PARD3: variants seen among roughly 807,000 people sequenced by gnomAD.
PARD3 encodes the protein par-3 family cell polarity regulator.
A neutral mutation model predicts 155.4 loss-of-function variants in PARD3; 75 were observed. That is an observed-to-expected ratio of 0.48 (90% CI 0.40 to 0.58). The LOEUF (loss-of-function observed/expected upper bound fraction) is 0.58, where lower values mean the gene tolerates loss of function less well. PARD3 is among the 20% of genes least tolerant of loss of function. The pLI is 0.00. For missense variants in PARD3, 1,642 were observed against 1,721.7 expected (o/e 0.95, Z 0.82); for synonymous variants, 576 against 610.5 (o/e 0.94, Z 0.83).
At chr10:34,330,169 A>C (rs1164730669) in intron 19 of PARD3, among the ~76,000 whole-genome samples, 1 of 152,164 alleles carries the variant, frequency 6.6e-6, no homozygotes, top group Non-Finnish European at 1.5e-5. Flanking sequence ...AAGGTAAATT[A>C]GTAGTTATGA....
chr10:34,233,543 G>A (rs1350887973), intron 22 of PARD3, among the ~76,000 whole-genome samples: 1 of 151,940 alleles, frequency 6.6e-6, no homozygotes, highest in African/African-American at 2.4e-5. Context: ...CCATTTGCTT[G>A]ACATCTCAAA....
chr10:34,784,847 C>T (rs569217088), intron 1 of PARD3, among the ~76,000 whole-genome samples: 143 of 152,298 alleles, frequency 9.4e-4, no homozygotes, highest in East Asian at 5.8e-4. Context: ...CAAGCGGAAA[C>T]ATCACTGTTC....
intron 1 of PARD3, among the ~76,000 whole-genome samples, chr10:34,799,898 C>G (rs1842690612): frequency 6.6e-6 from 1 of 151,932 alleles, no homozygotes; most frequent in East Asian, 1.9e-4. Flanking sequence ...GAAGCTGAGG[C>G]AGGAAGATCA....
chr10:34,204,060 G>A (rs575127993), intron 22 of PARD3, among the ~76,000 whole-genome samples: 1 of 152,300 alleles, frequency 6.6e-6, no homozygotes, highest in East Asian at 1.9e-4. Flanking sequence ...AATAGTAAAT[G>A]TGTTGACTAA....
intron 2 of PARD3, among the ~76,000 whole-genome samples, chr10:34,624,689 G>A (rs1419135416): frequency 6.6e-6 from 1 of 152,232 alleles, no homozygotes; most frequent in Non-Finnish European, 1.5e-5. Flanking sequence ...ACAGGAGGCT[G>A]ACACTGTGCC....
chr10:34,605,294 G>A (rs1256315066), intron 2 of PARD3, among the ~76,000 whole-genome samples: 3 of 134,572 alleles, frequency 2.2e-5, no homozygotes, highest in Admixed American at 8.7e-5. Flanking sequence ...CGGGGTTCAC[G>A]CCATTCTCCT....
chr10:34,765,721 G>A (rs990306767), intron 1 of PARD3, among the ~76,000 whole-genome samples: 4 of 152,066 alleles, frequency 2.6e-5, no homozygotes, highest in Admixed American at 1.3e-4. Context: ...CTAAAAACAG[G>A]AGCAGTGATA....
intron 4 of PARD3, among the ~76,000 whole-genome samples, chr10:34,460,006 A>C (rs2077546748): frequency 6.6e-6 from 1 of 152,172 alleles, no homozygotes; most frequent in Non-Finnish European, 1.5e-5. Flanking sequence ...TAATGTAGAA[A>C]GTGCTTATTT....
chr10:34,158,106 A>G (rs1018949540), intron 22 of PARD3, among the ~76,000 whole-genome samples: 6 of 152,200 alleles, frequency 3.9e-5, no homozygotes, highest in African/African-American at 1.4e-4. Context: ...TGACAATGCA[A>G]GGTAACTCAT....
chr10:34,145,221 A>ATTTTTTTTTT (rs57442429), intron 22 of PARD3, among the ~76,000 whole-genome samples: 19 of 33,968 alleles, frequency 5.6e-4, no homozygotes, highest in African/African-American at 1.1e-3. Flanking sequence ...ATATATATAT[A>ATTTTTTTTTT]TTTTTTTTTT....
At chr10:34,445,030 C>A (rs2076665960) in intron 5 of PARD3, among the ~76,000 whole-genome samples, 1 of 152,116 alleles carries the variant, frequency 6.6e-6, no homozygotes, top group Admixed American at 6.5e-5. Context: ...TCAGTTCTAC[C>A]CTGGTGTTCC....
chr10:34,461,856 A>C (rs971571408), intron 4 of PARD3, among the ~76,000 whole-genome samples: 1 of 152,150 alleles, frequency 6.6e-6, no homozygotes, highest in Non-Finnish European at 1.5e-5. Context: ...TGGTTTGTGA[A>C]CTCTAAAAAT....
chr10:34,535,686 G>A lies in PARD3; in HGVS notation c.223-18527C>T, dbSNP rs554732908. Among the ~76,000 whole-genome samples the A allele has an allele frequency of 2.6e-5, 4 of 152,088 alleles. No homozygotes were observed. The South Asian group carries it at 6.2e-4, about 24-fold the overall frequency. ...AGACAGGGTTTCACCATGTTGGCCAGGCTGGTCTTCAACTCCTGACATCAG... is the reference window on the plus strand; with the variant it reads ...AGACAGGGTTTCACCATGTTGGCCAAGCTGGTCTTCAACTCCTGACATCAG... On this transcript the variant is annotated intron_variant, in intron 2 of 24. Transcript: ENST00000374788.
At chr10:34,485,515 T>C (rs979736486) in intron 3 of PARD3, among the ~76,000 whole-genome samples, 1 of 152,034 alleles carries the variant, frequency 6.6e-6, no homozygotes, top group Non-Finnish European at 1.5e-5. Context: ...CTGGTTTAGT[T>C]TGGAAAGGTA....
chr10:34,807,661 T>G (rs1319377662), intron 1 of PARD3, among the ~76,000 whole-genome samples: 1 of 148,276 alleles, frequency 6.7e-6, no homozygotes, highest in Admixed American at 6.8e-5. Flanking sequence ...GTACACATTT[T>G]CATTTCTCTT....
chr10:34,282,137 C>T (rs1474951614), intron 21 of PARD3, among the ~76,000 whole-genome samples: 2 of 131,692 alleles, frequency 1.5e-5, no homozygotes, highest in Non-Finnish European at 3.4e-5. Flanking sequence ...TAGTTCAGTC[C>T]GTTTCTTGCA....
intron 3 of PARD3, among the ~76,000 whole-genome samples, chr10:34,493,833 T>A (rs1360345634): frequency 6.6e-6 from 1 of 152,176 alleles, no homozygotes; most frequent in Non-Finnish European, 1.5e-5. Context: ...ACGTTCGAAT[T>A]ATTTTACTAT....
chr10:34,351,594 T>G (rs1838087292), intron 14 of PARD3, among the ~76,000 whole-genome samples: 1 of 152,254 alleles, frequency 6.6e-6, no homozygotes, highest in Non-Finnish European at 1.5e-5. Flanking sequence ...GGACCACATT[T>G]ATTTTCCTTC....
chr10:34,557,756 C>A (rs563324649), intron 2 of PARD3, among the ~76,000 whole-genome samples: 15 of 151,966 alleles, frequency 9.9e-5, no homozygotes, highest in Middle Eastern at 3.4e-3. Context: ...CTGCACCCGG[C>A]CTCCCATCTC....
Sources: gnomAD v4.1 joint callset for allele counts (sites outside exome capture counted in the v4.1 genomes callset) on GRCh38, gnomAD v4.1.1 for gene constraint, MANE v1.5 for transcripts, NCBI Gene and HGNC (gene_info 2026-07-23, HGNC 2026-07-21) for gene names.